Variants in NRXN1 observed in about 807,000 individuals in gnomAD.
NRXN1 encodes the protein neurexin 1.
NRXN1 carries 39 observed loss-of-function variants against 150.9 expected under a neutral mutation model. The observed-to-expected ratio is 0.26, with a 90% CI of 0.20 to 0.34. The LOEUF is 0.34. NRXN1 is among the 10% of genes least tolerant of loss of function. The pLI is 1.00. For missense variants in NRXN1, 1,815 were observed against 1,949.9 expected, an observed-to-expected ratio of 0.93 and a Z score of 1.30; for synonymous variants, 924 against 757.0, an observed-to-expected ratio of 1.22 and a Z score of -3.62.
At chr2:50,782,036 C>A (rs923470331) in intron 5 of NRXN1, among the ~76,000 whole-genome samples, 1 of 152,162 alleles carries the variant, frequency 6.6e-6, no homozygotes, top group African/African-American at 2.4e-5. Flanking sequence ...TTTTCTTCTG[C>A]TCTTTTCCTC....
chr2:50,749,105 G>A (rs536520133), intron 5 of NRXN1, among the ~76,000 whole-genome samples: 12 of 152,046 alleles, frequency 7.9e-5, no homozygotes, highest in South Asian at 2.1e-4. Flanking sequence ...AAACTGAAAC[G>A]TATAAGTCTG....
intron 2 of NRXN1, among the ~76,000 whole-genome samples, chr2:50,970,612 G>C (rs1474598819): frequency 6.6e-6 from 1 of 152,048 alleles, no homozygotes; most frequent in African/African-American, 2.4e-5. Flanking sequence ...TTCCAACTTT[G>C]AATGTTAATC....
intron 18 of NRXN1, among the ~76,000 whole-genome samples, chr2:50,232,954 A>G (rs984906332): frequency 6.6e-6 from 1 of 152,042 alleles, no homozygotes; most frequent in African/African-American, 2.4e-5. Flanking sequence ...AAGCTTCTCA[A>G]TAATATGGCT....
intron 17 of NRXN1, among the ~76,000 whole-genome samples, chr2:50,364,052 G>T (rs1485002491): frequency 4.6e-5 from 7 of 152,082 alleles, no homozygotes; most frequent in Non-Finnish European, 8.8e-5. Flanking sequence ...AGAACACATG[G>T]ACACAGGGAG....
At chr2:50,609,277 A>C (rs1331638110) in intron 8 of NRXN1, among the ~76,000 whole-genome samples, 3 of 152,162 alleles carry the variant, frequency 2.0e-5, no homozygotes. Context: ...GTGTAAAATG[A>C]AAATGAGAAG....
chr2:50,364,708 A>G (rs1325472591), intron 17 of NRXN1, among the ~76,000 whole-genome samples: 2 of 152,132 alleles, frequency 1.3e-5, no homozygotes, highest in Non-Finnish European at 2.9e-5. Flanking sequence ...CAGACATGGT[A>G]AAAGAAGAGT....
rs764148223 is a variant in NRXN1 at position 51,027,926 on chromosome 2, G to T, written c.348C>A (p.Ser116Arg). 3.1e-6 allele frequency: 5 copies of T among 1,605,804 alleles called. No individual in the cohort carries two copies. Among genetic ancestry groups the T allele is most frequent in the Non-Finnish European group, 3.4e-6 (4 of 1,179,674 alleles). The change falls in exon 2 of 23, where the codon AGC becomes AGA. Residue 116 changes from serine to arginine, a missense_variant. This residue lies in a region of NRXN1 where 554 missense variants were observed against 478.8 expected (regional missense o/e 1.16). Coordinates refer to ENST00000401669, the MANE Select transcript of NRXN1 (RefSeq NM_001330078.2). ...DTPVNDGAWH[S>R]VRIRRQFRNT... Reference sequence around the variant, plus strand: ...TGCGGAACTGGCGGCGGATGCGCACGCTGTGCCAGGCGCCGTCGTTAACCG... The same window carrying T: ...TGCGGAACTGGCGGCGGATGCGCACTCTGTGCCAGGCGCCGTCGTTAACCG...
At chr2:50,332,533 A>T (rs1269668110) in intron 17 of NRXN1, among the ~76,000 whole-genome samples, 1 of 152,220 alleles carries the variant, frequency 6.6e-6, no homozygotes, top group Non-Finnish European at 1.5e-5. Flanking sequence ...TGCAAGGAAA[A>T]TGTTAACCAT....
chr2:50,166,307 G>T (rs1009698284), intron 18 of NRXN1, among the ~76,000 whole-genome samples: 47 of 146,590 alleles, frequency 3.2e-4, no homozygotes, highest in Non-Finnish European at 5.5e-4. Context: ...GTGTGTGTGT[G>T]TGTGTGTGTG....
intron 9 of NRXN1, among the ~76,000 whole-genome samples, chr2:50,549,909 T>C (rs1273934661): frequency 1.3e-5 from 2 of 152,068 alleles, no homozygotes; most frequent in African/African-American, 2.4e-5. Context: ...TGCATATATA[T>C]ACATACATAT....
At chr2:50,108,976 AAAAAT>A (rs1201272317) in intron 18 of NRXN1, among the ~76,000 whole-genome samples, 2 of 152,176 alleles carry the variant, frequency 1.3e-5, no homozygotes, top group African/African-American at 4.8e-5. Context: ...AAACCATTCT[AAAAAT>A]AAGATAAACA....
At chr2:50,049,452 G>A (rs1286750799) in intron 21 of NRXN1, among the ~76,000 whole-genome samples, 1 of 152,116 alleles carries the variant, frequency 6.6e-6, no homozygotes, top group Non-Finnish European at 1.5e-5. Context: ...GTCACATGAC[G>A]AGATAGGTGG....
At chr2:50,348,239 T>C (rs6728836) in intron 17 of NRXN1, among the ~76,000 whole-genome samples, 87,458 of 151,974 alleles carry the variant, frequency 0.58, 27,471 homozygotes, top group East Asian at 0.92. Flanking sequence ...CTTCTTCCCA[T>C]TACCATATTA....
chr2:51,031,564 G>T (rs1671555965), intron 1 of NRXN1, among the ~76,000 whole-genome samples: 1 of 152,024 alleles, frequency 6.6e-6, no homozygotes, highest in South Asian at 2.1e-4. Context: ...ATTCTCTCTG[G>T]CTTTCCCGCC....
chr2:50,799,725 T>C (rs1428349872), intron 5 of NRXN1, among the ~76,000 whole-genome samples: 1 of 152,166 alleles, frequency 6.6e-6, no homozygotes, highest in Non-Finnish European at 1.5e-5. Flanking sequence ...TCTGATCATG[T>C]TTAGTCTAGG....
intron 5 of NRXN1, among the ~76,000 whole-genome samples, chr2:50,652,022 G>C (rs1685714375): frequency 6.6e-6 from 1 of 152,062 alleles, no homozygotes; most frequent in African/African-American, 2.4e-5. Context: ...TTTTCCTGCA[G>C]ACACTTGCAG....
intron 17 of NRXN1, among the ~76,000 whole-genome samples, chr2:50,260,092 T>C (rs1298545710): frequency 6.6e-6 from 1 of 151,828 alleles, no homozygotes; most frequent in Non-Finnish European, 1.5e-5. Context: ...CATAAAATAT[T>C]TTAAAGCATT....
intron 17 of NRXN1, among the ~76,000 whole-genome samples, chr2:50,320,465 A>T (rs2075958910): frequency 6.6e-6 from 1 of 151,618 alleles, no homozygotes; most frequent in African/African-American, 2.4e-5. Flanking sequence ...AATTAAAATG[A>T]AAATGTTTTC....
chr2:50,004,715 TAGTTA>T (rs1174120355), intron 21 of NRXN1, among the ~76,000 whole-genome samples: 1 of 152,172 alleles, frequency 6.6e-6, no homozygotes, highest in African/African-American at 2.4e-5. Flanking sequence ...GGTAATAATG[TAGTTA>T]AGTTGACACT....
Sources: allele counts gnomAD v4.1 joint callset (sites outside exome capture counted in the v4.1 genomes callset), GRCh38; gene constraint gnomAD v4.1.1; regional missense constraint gnomAD v4.1.1; transcripts MANE v1.5; gene names NCBI Gene and HGNC (gene_info 2026-07-23, HGNC 2026-07-21).